GABRA4: variants seen among roughly 807,000 people sequenced by gnomAD.
The protein encoded by GABRA4 is gamma-aminobutyric acid receptor subunit alpha-4.
GABRA4 carries 12 observed loss-of-function variants against 49.7 expected under a neutral mutation model. That is an observed-to-expected ratio of 0.24 (90% confidence interval 0.15 to 0.39). The LOEUF (loss-of-function observed/expected upper bound fraction) is 0.39. GABRA4 is among the 10% of genes least tolerant of loss of function. The pLI is 1.00. For missense variants in GABRA4, 506 were observed against 686.0 expected (o/e 0.74, Z 2.93); for synonymous variants, 288 against 240.2 (o/e 1.20, Z -1.84).
At chr4:46,967,049 A>G (rs563307488) in intron 7 of GABRA4, among the ~76,000 whole-genome samples, 1 of 151,854 alleles carries the variant, frequency 6.6e-6, no homozygotes, top group South Asian at 2.1e-4. Flanking sequence ...CAATAAAATA[A>G]CTGAAAATTT....
intron 8 of GABRA4, among the ~76,000 whole-genome samples, chr4:46,954,067 A>G (rs1722260884): frequency 1.3e-5 from 2 of 152,126 alleles, no homozygotes; most frequent in Non-Finnish European, 2.9e-5. Context: ...ATATACATGA[A>G]GTGCTTAAAA....
At chr4:46,989,057 A>G (rs1049019331) in intron 2 of GABRA4, among the ~76,000 whole-genome samples, 5 of 152,216 alleles carry the variant, frequency 3.3e-5, no homozygotes, top group African/African-American at 9.6e-5. Context: ...AATTGACTCA[A>G]ATGCTTCATT....
At chr4:46,984,330 C>A (rs1723462288) in intron 2 of GABRA4, among the ~76,000 whole-genome samples, 1 of 152,048 alleles carries the variant, frequency 6.6e-6, no homozygotes, top group South Asian at 2.1e-4. Flanking sequence ...AGGGATACAA[C>A]AAGGAATCCT....
rs61179480 is a variant in GABRA4 at position 46,986,934 on chromosome 4, A to C, written c.205+5894T>G. 5.6e-3 allele frequency among the ~76,000 whole-genome samples: 852 copies of C among 152,100 alleles called. 10 individuals are homozygous for C. Among genetic ancestry groups the C allele is most frequent in the African/African-American group, 0.019 (789 of 41,508 alleles). On this transcript the variant is annotated intron_variant, in intron 2 of 8. Coordinates refer to ENST00000264318, the MANE Select transcript of GABRA4 (RefSeq NM_000809.4). ...CCAACCATTTCTTATAAATTTACAAACTTCTCTGCTACCAGCTTGGTCAAA... is the reference window on the plus strand; with the variant it reads ...CCAACCATTTCTTATAAATTTACAACCTTCTCTGCTACCAGCTTGGTCAAA...
chr4:46,975,159 CA>C (rs1156593258), intron 5 of GABRA4, among the ~76,000 whole-genome samples: 2 of 151,938 alleles, frequency 1.3e-5, no homozygotes, highest in African/African-American at 2.4e-5. Context: ...CAAGTAAGTT[CA>C]AAAGAACCAA....
intron 8 of GABRA4, among the ~76,000 whole-genome samples, chr4:46,937,664 G>A (rs967071122): frequency 2.6e-5 from 4 of 152,128 alleles, no homozygotes; most frequent in African/African-American, 7.2e-5. Context: ...TGGTTGATGA[G>A]AGAAAATACT....
At chr4:46,982,885 G>C (rs1213842036) in intron 2 of GABRA4, among the ~76,000 whole-genome samples, 1 of 152,066 alleles carries the variant, frequency 6.6e-6, no homozygotes, top group African/African-American at 2.4e-5. Flanking sequence ...TGGCAGTGGG[G>C]ATGAAGACTG....
chr4:46,946,002 C>G (rs139310366), intron 8 of GABRA4, among the ~76,000 whole-genome samples: 7 of 152,220 alleles, frequency 4.6e-5, no homozygotes, highest in Non-Finnish European at 8.8e-5. Context: ...TTGGGAAGAG[C>G]TGACTGTTGA....
intron 8 of GABRA4, among the ~76,000 whole-genome samples, chr4:46,960,429 T>C (rs1192563932): frequency 6.6e-6 from 1 of 151,768 alleles, no homozygotes; most frequent in Non-Finnish European, 1.5e-5. Context: ...AGTAAAATTG[T>C]TTTAATAATC....
Position 46,984,259 on chromosome 4 carries a change from A to G in GABRA4, c.206-5161T>C, listed in dbSNP as rs557441548. Among the ~76,000 whole-genome samples, 3 of 152,166 alleles carry G rather than the reference A, an allele frequency of 2.0e-5. No individual in the cohort carries two copies. In the South Asian group the frequency reaches 6.2e-4, roughly 32 times the overall value. ...TTCTAATTTTCCAGCCACCTTATCC[A>G]TGCATCCACCATCATCTTACAAAAT... On this transcript the variant is annotated intron_variant, in intron 2 of 8. Transcript: ENST00000264318.
At chr4:46,935,663 C>T (rs1038618875) in intron 8 of GABRA4, among the ~76,000 whole-genome samples, 3 of 150,812 alleles carry the variant, frequency 2.0e-5, no homozygotes, top group Admixed American at 2.0e-4. Context: ...ACACTAGGGC[C>T]TGTTTGGGGT....
intron 8 of GABRA4, among the ~76,000 whole-genome samples, chr4:46,950,745 A>AAATAAATAAATAAATT (rs1553903650): frequency 4.6e-5 from 7 of 151,106 alleles, no homozygotes; most frequent in African/African-American, 1.7e-4. Context: ...ATAAATAAAT[A>AAATAAATAAATAAATT]AATTACTATA....
rs1358574904 is a variant in GABRA4 at position 46,992,963 on chromosome 4, A to AAG, written c.87-18_87-17insCT. On this transcript the variant is annotated splice_polypyrimidine_tract_variant and intron_variant, in intron 1 of 8. Transcript: ENST00000264318. ...TCGTTTAAACTGCAAGCGAAAAAAAAAAAACCGGGGGCGGAGGAGATTATT... is the reference window on the plus strand; with the variant it reads ...TCGTTTAAACTGCAAGCGAAAAAAAAAGAAAACCGGGGGCGGAGGAGATTATT... 1 of 1,556,822 alleles carries AAG rather than the reference A, an allele frequency of 6.4e-7. No individual in the cohort carries two copies. The highest frequency in any genetic ancestry group is 8.9e-7 in the Non-Finnish European group (1 of 1,128,948).
rs1720892083 is a variant in GABRA4 at position 46,919,416 on chromosome 4, A to C, written c.*8809T>G. On this transcript the variant is annotated 3_prime_UTR_variant, in exon 9 of 9. Transcript: ENST00000264318. ...AGTCAAATGTGATTACTAAAACCTCAAGAAATGTGTTCTTGAGGAAGTAAT... is the reference window on the plus strand; with the variant it reads ...AGTCAAATGTGATTACTAAAACCTCCAGAAATGTGTTCTTGAGGAAGTAAT... The C allele has an allele frequency of 6.6e-6, 1 of 151,562 alleles. No homozygotes were observed. The highest frequency in any genetic ancestry group is 2.1e-4 in the South Asian group (1 of 4,838). 9.4% of individuals were successfully genotyped at this position (151,562 alleles called of 1,614,324 possible).
At chr4:46,981,436 C>A (rs1459165235) in intron 2 of GABRA4, among the ~76,000 whole-genome samples, 3 of 152,060 alleles carry the variant, frequency 2.0e-5, no homozygotes, top group African/African-American at 4.8e-5. Flanking sequence ...AAAATTATAA[C>A]CTTAGCATTT....
At chr4:46,978,534 A>G (rs1723227751) in intron 3 of GABRA4, among the ~76,000 whole-genome samples, 1 of 151,634 alleles carries the variant, frequency 6.6e-6, no homozygotes, top group Non-Finnish European at 1.5e-5. Flanking sequence ...CTAGAAACAC[A>G]AAATTAGCCA....
At chr4:46,940,838 T>C (rs187844982) in intron 8 of GABRA4, among the ~76,000 whole-genome samples, 11 of 152,222 alleles carry the variant, frequency 7.2e-5, no homozygotes, top group African/African-American at 2.6e-4. Context: ...TGGTTTCCAA[T>C]GGGCATTATC....
intron 7 of GABRA4, among the ~76,000 whole-genome samples, chr4:46,969,828 A>G (rs899255994): frequency 1.3e-5 from 2 of 151,350 alleles, no homozygotes; most frequent in Non-Finnish European, 3.0e-5. Flanking sequence ...TTTCAAACTT[A>G]TATTTAAGAG....
chr4:46,930,815 C>T (rs1721401986), intron 8 of GABRA4, among the ~76,000 whole-genome samples: 2 of 151,074 alleles, frequency 1.3e-5, no homozygotes, highest in African/African-American at 4.9e-5. Context: ...CTAAAATGAC[C>T]CCCAAAACTT....
Sources: gnomAD v4.1 joint callset for allele counts (sites outside exome capture counted in the v4.1 genomes callset) on GRCh38, gnomAD v4.1.1 for gene constraint, MANE v1.5 for transcripts, NCBI Gene and HGNC (gene_info 2026-07-23, HGNC 2026-07-21) for gene names.